The following TENM3 variants were observed in gnomAD, a reference collection of about 807,000 sequenced individuals.
TENM3 encodes the protein teneurin-3.
A neutral mutation model predicts 255.1 loss-of-function variants in TENM3; 63 were observed. That is an observed-to-expected ratio of 0.25 (90% confidence interval 0.20 to 0.30). TENM3 has a LOEUF of 0.30. Among genes scored for constraint, TENM3 ranks in the 10% least tolerant of loss-of-function variants. TENM3 has a pLI of 1.00. For synonymous variants in TENM3, 1,306 were observed against 1,322.3 expected, an observed-to-expected ratio of 0.99 and a Z score of 0.27; for missense variants, 2,929 against 3,461.1, an observed-to-expected ratio of 0.85 and a Z score of 3.86.
At chr4:181,807,200 GGA>G in the TENM3 span, among the ~76,000 whole-genome samples, 6 of 152,140 alleles carry the variant, frequency 3.9e-5, no homozygotes, top group Non-Finnish European at 7.4e-5. Flanking sequence ...TTCCTCAACA[GGA>G]GAGAGCACAA....
At chr4:182,018,019 TTATATTA>T in the TENM3 span, among the ~76,000 whole-genome samples, 88 of 152,302 alleles carry the variant, frequency 5.8e-4, no homozygotes, top group African/African-American at 2.0e-3. Flanking sequence ...GGAAAATACA[TTATATTA>T]TATATTTCCT....
At chr4:182,165,923 C>T (rs1045865530) in intron 1 of TENM3, among the ~76,000 whole-genome samples, 1 of 152,138 alleles carries the variant, frequency 6.6e-6, no homozygotes, top group Non-Finnish European at 1.5e-5. Flanking sequence ...GGATTACAGG[C>T]GTGTGCCACC....
chr4:181,735,414 C>A, the TENM3 span, among the ~76,000 whole-genome samples: 1 of 152,130 alleles, frequency 6.6e-6, no homozygotes, highest in Non-Finnish European at 1.5e-5. Flanking sequence ...AAAGTCACTA[C>A]AAATTAATCA....
chr4:182,014,013 T>C, the TENM3 span, among the ~76,000 whole-genome samples: 2 of 63,924 alleles, frequency 3.1e-5, no homozygotes, highest in African/African-American at 6.9e-5. Flanking sequence ...TACGTATATA[T>C]ACGTGTATAT....
the TENM3 span, among the ~76,000 whole-genome samples, chr4:181,859,925 T>C: frequency 1.3e-5 from 2 of 152,186 alleles, no homozygotes; most frequent in Non-Finnish European, 2.9e-5. Flanking sequence ...CTTTCTTTAA[T>C]GTCTTGACTC....
At chr4:182,446,181 G>A (rs185559802) in intron 3 of TENM3, among the ~76,000 whole-genome samples, 8 of 152,222 alleles carry the variant, frequency 5.3e-5, no homozygotes, top group Admixed American at 2.0e-4. Flanking sequence ...GCTCAGCTTC[G>A]TTCAGTGTAA....
At chr4:182,070,832 C>T in the TENM3 span, among the ~76,000 whole-genome samples, 1 of 152,304 alleles carries the variant, frequency 6.6e-6, no homozygotes, top group Middle Eastern at 3.4e-3. Flanking sequence ...CCACAACATC[C>T]TCACTTGCTA....
intron 1 of TENM3, chr4:182,145,243 T>G (rs1219078411): frequency 1.4e-4 from 21 of 152,248 alleles, no homozygotes. Context: ...AGAAGGCTTC[T>G]GCAGCGATCA....
rs575545332 is a variant in TENM3, at chr4:182,762,389, A to G, written c.4892+7130A>G. Among the ~76,000 whole-genome samples, 3 of 152,312 alleles carry G rather than the reference A, an allele frequency of 2.0e-5. No homozygotes were observed. The South Asian group carries it at 6.2e-4, about 32-fold the overall frequency. On this transcript the variant is annotated intron_variant, in intron 22 of 27. Coordinates refer to ENST00000511685, the MANE Select transcript of TENM3 (RefSeq NM_001080477.4). ...CATCATCAGCTTCCCTTACACGGTG[A>G]TTGTCAGATATTTACCCTAACACTA...
the TENM3 span, among the ~76,000 whole-genome samples, chr4:181,637,528 C>G: frequency 6.6e-6 from 1 of 152,214 alleles, no homozygotes; most frequent in African/African-American, 2.4e-5. Flanking sequence ...AATATAGTCC[C>G]TGGAGGAGCC....
At chr4:182,152,557 TAGA>T in intron 1 of TENM3, among the ~76,000 whole-genome samples, 1 of 152,000 alleles carries the variant, frequency 6.6e-6, no homozygotes, top group East Asian at 1.9e-4. Flanking sequence ...TACTTTGTCC[TAGA>T]ATATACAATC....
chr4:182,775,309 G>A (rs1281369265), intron 24 of TENM3, among the ~76,000 whole-genome samples, 156 bp downstream of exon 24: 1 of 152,158 alleles, frequency 6.6e-6, no homozygotes, highest in Non-Finnish European at 1.5e-5. Context: ...GCCTGTTCTG[G>A]CAGGTGCAGC....
At chr4:182,430,642 A>G (rs745517056) in intron 3 of TENM3, among the ~76,000 whole-genome samples, 3 of 152,186 alleles carry the variant, frequency 2.0e-5, no homozygotes, top group Non-Finnish European at 4.4e-5. Context: ...CACGCTGCTC[A>G]TGTGTGTCCT....
At chr4:181,803,598 A>G in the TENM3 span, among the ~76,000 whole-genome samples, 1 of 152,144 alleles carries the variant, frequency 6.6e-6, no homozygotes, top group Non-Finnish European at 1.5e-5. Context: ...TCCATGGTCC[A>G]GGCCAGTAAG....
At chr4:181,874,032 C>T in the TENM3 span, among the ~76,000 whole-genome samples, 12 of 152,248 alleles carry the variant, frequency 7.9e-5, no homozygotes, top group South Asian at 2.5e-3. Context: ...ATTCGCCTGC[C>T]TTAGCCTCCC....
the TENM3 span, among the ~76,000 whole-genome samples, chr4:182,005,333 C>T: frequency 6.6e-6 from 1 of 152,298 alleles, no homozygotes; most frequent in Non-Finnish European, 1.5e-5. Context: ...GAGATCCTTT[C>T]TCCATTGCTT....
rs572110027 is a variant in TENM3, at chr4:182,382,791, C to G, written c.511+35862C>G. ...CTTTAAAAACCTCTTTTCAGGAACT[C>G]ATTATGTTTATCACACATATAAAAT... On this transcript the variant is annotated intron_variant, in intron 3 of 27. Transcript: ENST00000511685. 2.7e-4 allele frequency among the ~76,000 whole-genome samples: 41 copies of G among 152,258 alleles called. 2 individuals are homozygous for G. In the South Asian group the frequency reaches 6.0e-3, roughly 22 times the overall value.
At chr4:182,616,026 A>T (rs940177388) in intron 4 of TENM3, among the ~76,000 whole-genome samples, 1 of 152,116 alleles carries the variant, frequency 6.6e-6, no homozygotes, top group Non-Finnish European at 1.5e-5. Context: ...CTGGGGTTTC[A>T]CCCCAGACCT....
chr4:182,234,108 G>A (rs764130681), intron 1 of TENM3, among the ~76,000 whole-genome samples: 8 of 152,158 alleles, frequency 5.3e-5, no homozygotes, highest in African/African-American at 7.2e-5. Flanking sequence ...CAAGTTCACC[G>A]TGAAAGCCTG....
Sources: allele counts gnomAD v4.1 joint callset (sites outside exome capture counted in the v4.1 genomes callset), GRCh38; gene constraint gnomAD v4.1.1; transcripts MANE v1.5; gene names NCBI Gene and HGNC (gene_info 2026-07-23, HGNC 2026-07-21).